The following CDK5RAP2 variants were observed in gnomAD, a reference collection of about 807,000 sequenced individuals.
The protein encoded by CDK5RAP2 is CDK5 regulatory subunit-associated protein 2.
CDK5RAP2 carries 147 observed loss-of-function variants against 232.9 expected under a neutral mutation model. The observed-to-expected ratio is 0.63, with a 90% CI of 0.55 to 0.72. The LOEUF (loss-of-function observed/expected upper bound fraction) is 0.72, where lower values mean the gene tolerates loss of function less well. Among genes scored for constraint, CDK5RAP2 ranks in the 30% least tolerant of loss-of-function variants. The pLI, the probability that CDK5RAP2 is intolerant of heterozygous loss-of-function variation, is 0.00. For missense variants in CDK5RAP2, 2,195 were observed against 2,231.5 expected (o/e 0.98, Z 0.33); for synonymous variants, 833 against 833.7 (o/e 1.00, Z 0.01).
chr9:120,464,173 C>A (rs898592845), intron 18 of CDK5RAP2, among the ~76,000 whole-genome samples: 1 of 152,192 alleles, frequency 6.6e-6, no homozygotes, highest in Non-Finnish European at 1.5e-5. Context: ...CACGCTGTTA[C>A]TCTGCACTCT....
intron 36 of CDK5RAP2, among the ~76,000 whole-genome samples, chr9:120,391,387 A>T (rs1218342254): frequency 6.6e-6 from 1 of 152,188 alleles, no homozygotes; most frequent in African/African-American, 2.4e-5. Context: ...TCCCAAATCT[A>T]GACTGGCCCC....
At chr9:120,551,591 T>G (rs531702234) in intron 3 of CDK5RAP2, among the ~76,000 whole-genome samples, 196 of 152,308 alleles carry the variant, frequency 1.3e-3, no homozygotes, top group African/African-American at 4.6e-3. Context: ...GTCTACCAGA[T>G]AAATCTAAGT....
chr9:120,485,715 T>C (rs891510604), intron 14 of CDK5RAP2, among the ~76,000 whole-genome samples: 12 of 152,244 alleles, frequency 7.9e-5, no homozygotes, highest in South Asian at 2.1e-4. Flanking sequence ...TGCCTTATAT[T>C]ACAGGTTAAT....
At chr9:120,507,719 T>C (rs2039878508) in intron 12 of CDK5RAP2, among the ~76,000 whole-genome samples, 1 of 151,736 alleles carries the variant, frequency 6.6e-6, no homozygotes. Flanking sequence ...AACCCTATCC[T>C]ACACCAGACT....
intron 24 of CDK5RAP2, among the ~76,000 whole-genome samples, chr9:120,439,017 T>TCACA (rs1459636135): frequency 6.6e-6 from 1 of 152,166 alleles, no homozygotes; most frequent in Non-Finnish European, 1.5e-5. Flanking sequence ...AGTTTTAGTT[T>TCACA]CACAGCACAG....
At chr9:120,406,673 T>C (rs1381744921) in intron 32 of CDK5RAP2, 1 of 316,888 alleles carries the variant, frequency 3.2e-6, no homozygotes, top group Non-Finnish European at 5.9e-6. Flanking sequence ...GGTTCCCTTC[T>C]AAAGGCAGTA....
chr9:120,428,593 T>A (rs144967121), intron 25 of CDK5RAP2, among the ~76,000 whole-genome samples: 4 of 152,104 alleles, frequency 2.6e-5, no homozygotes, highest in African/African-American at 9.7e-5. Flanking sequence ...AATAACAGGA[T>A]CTGAAATTGT....
chr9:120,395,545 G>A (rs1440640832), intron 35 of CDK5RAP2, among the ~76,000 whole-genome samples: 1 of 152,218 alleles, frequency 6.6e-6, no homozygotes, highest in African/African-American at 2.4e-5. Context: ...CAGCTCCCAG[G>A]GGGAAGGACA....
At chr9:120,512,503 T>C (rs1453742489) in intron 12 of CDK5RAP2, among the ~76,000 whole-genome samples, 1 of 152,206 alleles carries the variant, frequency 6.6e-6, no homozygotes, top group East Asian at 1.9e-4. Context: ...AAGGAACAAA[T>C]TACAATGTTT....
chr9:120,415,393 G>GA (rs2034152208), intron 27 of CDK5RAP2, among the ~76,000 whole-genome samples: 2 of 152,094 alleles, frequency 1.3e-5, no homozygotes, highest in South Asian at 2.1e-4. Context: ...ACATCACATA[G>GA]AAAAAATTAT....
Position 120,550,880 on chromosome 9 carries a change from TC to T in CDK5RAP2, c.217del (p.Glu73LysfsTer5). On this transcript the variant is annotated frameshift_variant, in exon 4 of 38. Transcript: ENST00000349780. LOFTEE classifies it high-confidence loss of function. ...GATGCGGAGCTTTAGGTTAAAGTTT[TC>T]TTTCTTCAATTCAGTGATTTGCTGA... is the stretch of plus-strand genomic sequence containing the variant. ...FENQITELKK[E>X]NFNLKLRIYF... 9 of 1,611,566 alleles carry T rather than the reference TC, an allele frequency of 5.6e-6. No individual in the cohort carries two copies. Among genetic ancestry groups the T allele is most frequent in the Non-Finnish European group, 7.6e-6 (9 of 1,177,716 alleles).
chr9:120,411,286 A>C, intron 29 of CDK5RAP2, 72 bp downstream of exon 29: 1 of 932,762 alleles, frequency 1.1e-6, no homozygotes, highest in Admixed American at 1.7e-5. Context: ...GTCAGACTCC[A>C]ATGCCTGCAT....
At chr9:120,571,783 T>G in intron 2 of CDK5RAP2, 191 bp downstream of exon 2, 1 of 626,404 alleles carries the variant, frequency 1.6e-6, no homozygotes. Context: ...AGGACAACAA[T>G]TCCTCTAGTC....
rs2040475862 is a variant in CDK5RAP2 at position 120,518,657 on chromosome 9, G to C, written c.1093-12C>G. ...TAGTCTTCAGACCCCTAGAAGAGAA[G>C]GCAGAGAAGCAAGATGAGCTAATTT... On this transcript the variant is annotated splice_polypyrimidine_tract_variant and intron_variant, in intron 11 of 37. Coordinates refer to ENST00000349780, the MANE Select transcript of CDK5RAP2 (RefSeq NM_018249.6). 6.2e-7 allele frequency: 1 copy of C among 1,609,232 alleles called. No homozygotes were observed. The highest frequency in any genetic ancestry group is 1.3e-5 in the African/African-American group (1 of 74,700).
intron 34 of CDK5RAP2, among the ~76,000 whole-genome samples, chr9:120,401,211 C>T (rs973901809): frequency 6.6e-6 from 1 of 152,058 alleles, no homozygotes; most frequent in Admixed American, 6.6e-5. Flanking sequence ...CCCACAGAGA[C>T]TCGCCCAGAG....
intron 15 of CDK5RAP2, among the ~76,000 whole-genome samples, chr9:120,476,912 T>C (rs2038045916): frequency 6.6e-6 from 1 of 152,116 alleles, no homozygotes; most frequent in South Asian, 2.1e-4. Flanking sequence ...CTTGCTTGAG[T>C]CCCAGGGTTC....
chr9:120,515,210 T>C (rs2040277468), intron 12 of CDK5RAP2, among the ~76,000 whole-genome samples: 1 of 152,126 alleles, frequency 6.6e-6, no homozygotes, highest in Admixed American at 6.5e-5. Context: ...TAGTGAAAGA[T>C]ACAAGAATTG....
chr9:120,530,516 C>T (rs1388757321), intron 7 of CDK5RAP2, among the ~76,000 whole-genome samples: 2 of 152,200 alleles, frequency 1.3e-5, no homozygotes, highest in African/African-American at 4.8e-5. Flanking sequence ...TGAAGCAGAG[C>T]TGTTCCGATA....
rs749718283 is a variant in CDK5RAP2, at chr9:120,439,400, T to G, written c.3721A>C (p.Arg1241=). 6 of 1,613,492 alleles carry G rather than the reference T, an allele frequency of 3.7e-6. No homozygotes were observed. In the Middle Eastern group the frequency reaches 5.0e-4, roughly 133 times the overall value. The part of the protein sequence containing the change: ...QNKFRDLSPP[R]YDSLVQSQAR... ...GGAGACGGCAGAGGTGGAACGTACC[T>G]GGGAGGTGAGAGATCTCTGAACTTA... The change falls in exon 24 of 38, where the codon AGA becomes CGA. Residue 1241 remains arginine (R), a splice_region_variant and synonymous_variant. Transcript: ENST00000349780.
Sources: allele counts gnomAD v4.1 joint callset (sites outside exome capture counted in the v4.1 genomes callset), GRCh38; gene constraint gnomAD v4.1.1; transcripts MANE v1.5; gene names NCBI Gene and HGNC (gene_info 2026-07-23, HGNC 2026-07-21).